MORC3: variants seen among roughly 807,000 people sequenced by gnomAD.
The protein encoded by MORC3 is MORC family CW-type zinc finger 3.
Under a neutral mutation model 109.1 loss-of-function variants are expected in MORC3, and 31 were observed. The ratio of observed to expected loss-of-function variants is 0.28; its 90% CI spans 0.21 to 0.38. The LOEUF is 0.38. Among genes scored for constraint, MORC3 ranks in the 10% least tolerant of loss-of-function variants. The probability of loss-of-function intolerance (pLI) is 1.00; values close to 1 mark genes in which losing one functional copy is unlikely to be tolerated. For missense variants in MORC3, 867 were observed against 1,135.8 expected, an observed-to-expected ratio of 0.76 and a Z score of 3.40; for synonymous variants, 395 against 380.7, an observed-to-expected ratio of 1.04 and a Z score of -0.44.
At position 36,369,143 on chromosome 21, in the gene MORC3, A is replaced by T. The variant is rs2085818426; in HGVS notation, c.1775A>T (p.His592Leu). ...AGTACCCCCAAACCTGCAGTAGATC[A>T]TGATATTGACATGAAATCAGAACAG... ...ENSTPKPAVDHDIDMKSEQSH... is the reference protein window; with the variant it reads ...ENSTPKPAVDLDIDMKSEQSH... The change falls in exon 15 of 17, where the codon CAT becomes CTT. Residue 592 changes from histidine (H) to leucine (L), a missense_variant. This residue lies in a region of MORC3 where 486 missense variants were observed against 502.1 expected (regional missense o/e 0.97). Coordinates refer to ENST00000400485, the MANE Select transcript of MORC3 (RefSeq NM_015358.3). 1 of 1,614,054 alleles carries T rather than the reference A, an allele frequency of 6.2e-7. No homozygotes were observed. The highest frequency in any genetic ancestry group is 1.1e-5 in the South Asian group (1 of 91,082).
At chr21:36,349,553 A>G (rs746886061) in intron 9 of MORC3, 145 bp downstream of exon 9, 1 of 481,252 alleles carries the variant, frequency 2.1e-6, no homozygotes, top group Non-Finnish European at 3.5e-6. Flanking sequence ...GGTGTAGGTT[A>G]CAATTCCTAG....
chr21:36,334,785 A>G (rs982663142), intron 2 of MORC3, among the ~76,000 whole-genome samples: 5 of 152,162 alleles, frequency 3.3e-5, no homozygotes, highest in South Asian at 4.1e-4. Context: ...GAAAGCGGCA[A>G]GGTTGCGGTC....
intron 15 of MORC3, among the ~76,000 whole-genome samples, chr21:36,370,388 T>C (rs1318265127): frequency 6.6e-6 from 1 of 151,940 alleles, no homozygotes; most frequent in Non-Finnish European, 1.5e-5. Context: ...CTGAAAAATA[T>C]TAGGGGTAGC....
At chr21:36,325,581 A>G (rs1053228977) in intron 1 of MORC3, among the ~76,000 whole-genome samples, 2 of 152,262 alleles carry the variant, frequency 1.3e-5, no homozygotes, top group African/African-American at 4.8e-5. Flanking sequence ...TTGGGAAACT[A>G]AAACCCTGTT....
intron 9 of MORC3, among the ~76,000 whole-genome samples, chr21:36,350,387 G>A (rs1157181173): frequency 1.3e-5 from 2 of 151,978 alleles, no homozygotes; most frequent in African/African-American, 4.8e-5. Flanking sequence ...GAGCCGAGGA[G>A]TTTGAGACCA....
At chr21:36,364,384 T>C (rs2085754733) in intron 14 of MORC3, 125 bp downstream of exon 14, 3 of 1,062,434 alleles carry the variant, frequency 2.8e-6, no homozygotes, top group Non-Finnish European at 4.1e-6. Flanking sequence ...GTTCCATGAA[T>C]GTGAAAATCT....
At chr21:36,374,702 G>T (rs1299795137) in intron 16 of MORC3, among the ~76,000 whole-genome samples, 1 of 152,174 alleles carries the variant, frequency 6.6e-6, no homozygotes, top group Non-Finnish European at 1.5e-5. Flanking sequence ...GGCTGAGGTG[G>T]GAGAATTGCG....
intron 15 of MORC3, 123 bp downstream of exon 15, chr21:36,369,999 G>A: frequency 9.0e-7 from 1 of 1,116,020 alleles, no homozygotes; most frequent in Non-Finnish European, 1.3e-6. Context: ...GGCCAAGGCG[G>A]GTGGGTCAGT....
chr21:36,373,906 T>G (rs73383720), intron 16 of MORC3, among the ~76,000 whole-genome samples: 1 of 152,164 alleles, frequency 6.6e-6, no homozygotes, highest in South Asian at 2.1e-4. Flanking sequence ...CCTTACAGTT[T>G]AGGTGTTTAT....
At chr21:36,326,520 A>G (rs2085249811) in intron 1 of MORC3, among the ~76,000 whole-genome samples, 1 of 152,190 alleles carries the variant, frequency 6.6e-6, no homozygotes, top group African/African-American at 2.4e-5. Context: ...CTCCATCTCT[A>G]TATAAATAAA....
chr21:36,334,771 G>A (rs1383952194), intron 2 of MORC3, among the ~76,000 whole-genome samples: 3 of 152,172 alleles, frequency 2.0e-5, no homozygotes, highest in African/African-American at 7.2e-5. Context: ...TTCAATGAAC[G>A]TGAGAAAGCG....
intron 9 of MORC3, among the ~76,000 whole-genome samples, chr21:36,349,865 AGAAGACTGCT>A (rs1259290353): frequency 1.3e-5 from 2 of 152,206 alleles, no homozygotes; most frequent in African/African-American, 4.8e-5. Context: ...TGGAGCTAGC[AGAAGACTGCT>A]GGTGGGCAAA....
intron 1 of MORC3, among the ~76,000 whole-genome samples, chr21:36,327,886 T>G (rs955415565): frequency 1.3e-5 from 2 of 152,030 alleles, no homozygotes; most frequent in African/African-American, 4.8e-5. Context: ...TTTTTGTTTT[T>G]TTTTTTCTGA....
At chr21:36,356,014 C>T (rs1481582293) in intron 9 of MORC3, among the ~76,000 whole-genome samples, 5 of 152,046 alleles carry the variant, frequency 3.3e-5, no homozygotes, top group African/African-American at 1.2e-4. Context: ...TATAAAATTT[C>T]TTGGAGATGC....
At chr21:36,352,835 T>C (rs1268583123) in intron 9 of MORC3, among the ~76,000 whole-genome samples, 1 of 152,020 alleles carries the variant, frequency 6.6e-6, no homozygotes, top group African/African-American at 2.4e-5. Context: ...CTGGGAATGG[T>C]GGCACACATC....
chr21:36,357,276 C>CTTTATACATTATTATACATAA (rs2085655598), intron 10 of MORC3, among the ~76,000 whole-genome samples: 1 of 152,014 alleles, frequency 6.6e-6, no homozygotes, highest in South Asian at 2.1e-4. Context: ...TCTGTGTGTT[C>CTTTATACATTATTATACATAA]TTTATACATT....
intron 1 of MORC3, among the ~76,000 whole-genome samples, chr21:36,324,524 G>A (rs2085228303): frequency 6.6e-6 from 1 of 152,004 alleles, no homozygotes; most frequent in East Asian, 1.9e-4. Context: ...TGATCTGCCT[G>A]CCTCGGCCTC....
intron 1 of MORC3, among the ~76,000 whole-genome samples, chr21:36,329,659 G>T (rs571926525): frequency 6.6e-6 from 1 of 152,138 alleles, no homozygotes; most frequent in Non-Finnish European, 1.5e-5. Context: ...ACTAGTTCAG[G>T]CCATGACAGG....
chr21:36,347,024 A>AC (rs1310549912), intron 8 of MORC3, among the ~76,000 whole-genome samples: 1 of 151,216 alleles, frequency 6.6e-6, no homozygotes, highest in African/African-American at 2.4e-5. Context: ...AAAAAAAAAA[A>AC]AACAAAGAAA....
Sources: gnomAD v4.1 joint callset for allele counts (sites outside exome capture counted in the v4.1 genomes callset) on GRCh38, gnomAD v4.1.1 for gene constraint, gnomAD v4.1.1 regional missense constraint, MANE v1.5 for transcripts, NCBI Gene and HGNC (gene_info 2026-07-23, HGNC 2026-07-21) for gene names.